The following KCNMB2 variants were observed in gnomAD, a reference collection of about 807,000 sequenced individuals.
KCNMB2 encodes calcium-activated potassium channel subunit beta-2.
In KCNMB2, 9 loss-of-function variants were observed where a neutral mutation model predicts 24.5. That is an observed-to-expected ratio of 0.37 (90% confidence interval 0.22 to 0.64). KCNMB2 has a LOEUF of 0.64. Among genes scored for constraint, KCNMB2 ranks in the 30% least tolerant of loss-of-function variants. The pLI is 0.63. For missense variants in KCNMB2, 226 were observed against 284.3 expected (o/e 0.79, Z 1.47); for synonymous variants, 109 against 104.4 (o/e 1.04, Z -0.27).
chr3:178,664,894 G>A (rs572252556), intron 1 of KCNMB2, among the ~76,000 whole-genome samples: 68 of 152,172 alleles, frequency 4.5e-4, no homozygotes, highest in African/African-American at 1.5e-3. Flanking sequence ...TGTCACAAAG[G>A]ACGATCTATA....
chr3:178,756,022 T>C (rs981141668), intron 1 of KCNMB2, among the ~76,000 whole-genome samples: 5 of 152,092 alleles, frequency 3.3e-5, no homozygotes, highest in African/African-American at 9.7e-5. Context: ...TGCTGAAAAT[T>C]TGCTATATTC....
chr3:178,754,855 G>A (rs746392657), intron 1 of KCNMB2, among the ~76,000 whole-genome samples: 3 of 152,188 alleles, frequency 2.0e-5, no homozygotes, highest in Non-Finnish European at 4.4e-5. Context: ...CAGACAGCTT[G>A]TTTAGCACGT....
intron 1 of KCNMB2, among the ~76,000 whole-genome samples, chr3:178,803,063 A>G (rs1713832563): frequency 6.6e-6 from 1 of 152,206 alleles, no homozygotes; most frequent in Non-Finnish European, 1.5e-5. Flanking sequence ...TACTTTAAAC[A>G]CTTTTACATG....
At position 178,698,408 on chromosome 3, in the gene KCNMB2, T is replaced by C. The variant is rs139712898; in HGVS notation, c.-67-108935T>C. Among the ~76,000 whole-genome samples, 748 of 152,358 alleles carry C rather than the reference T, an allele frequency of 4.9e-3. 4 individuals are homozygous for C. Among genetic ancestry groups the C allele is most frequent in the African/African-American group, 0.017 (705 of 41,588 alleles). ...GAGAGTGTTTCCTCCACTTGGTCTA[T>C]TCTGCTATGAATACTTGTGATTGCA... On this transcript the variant is annotated intron_variant, in intron 1 of 4. Coordinates refer to ENST00000452583, the MANE Select transcript of KCNMB2 (RefSeq NM_181361.3).
intron 1 of KCNMB2, among the ~76,000 whole-genome samples, chr3:178,543,590 A>G (rs761541834): frequency 1.9e-4 from 29 of 152,124 alleles, no homozygotes; most frequent in Non-Finnish European, 3.8e-4. Flanking sequence ...CTATTGGGAA[A>G]CTCTCAAATC....
chr3:178,704,105 T>C (rs1468360120), intron 1 of KCNMB2, among the ~76,000 whole-genome samples: 1 of 152,174 alleles, frequency 6.6e-6, no homozygotes, highest in Non-Finnish European at 1.5e-5. Flanking sequence ...AGTCTTTTTA[T>C]GTTTAATTTT....
intron 1 of KCNMB2, among the ~76,000 whole-genome samples, chr3:178,627,047 T>G (rs2108533545): frequency 6.6e-6 from 1 of 152,062 alleles, no homozygotes; most frequent in South Asian, 2.1e-4. Context: ...GTCTCCTGTG[T>G]AAAATTATTA....
At chr3:178,842,077 T>A (rs1715447297) in intron 4 of KCNMB2, among the ~76,000 whole-genome samples, 1 of 152,210 alleles carries the variant, frequency 6.6e-6, no homozygotes, top group African/African-American at 2.4e-5. Flanking sequence ...TCCTACATAT[T>A]ACAGATTTCT....
chr3:178,596,349 C>A (rs1188288923), intron 1 of KCNMB2, among the ~76,000 whole-genome samples: 8 of 152,034 alleles, frequency 5.3e-5, no homozygotes, highest in Admixed American at 4.6e-4. Flanking sequence ...CTAAGCTGGA[C>A]AACAATCATA....
intron 4 of KCNMB2, among the ~76,000 whole-genome samples, chr3:178,837,359 T>C (rs1271720729): frequency 6.6e-6 from 1 of 152,160 alleles, no homozygotes; most frequent in African/African-American, 2.4e-5. Flanking sequence ...CCCCATTATA[T>C]AGTTTCAAAA....
intron 1 of KCNMB2, among the ~76,000 whole-genome samples, chr3:178,572,487 A>G (rs546329689): frequency 4.6e-5 from 7 of 152,376 alleles, no homozygotes; most frequent in Non-Finnish European, 1.0e-4. Context: ...ATATAAAAAT[A>G]TAGTTGTTTA....
intron 1 of KCNMB2, among the ~76,000 whole-genome samples, chr3:178,739,114 A>C (rs1723411478): frequency 6.6e-6 from 1 of 151,676 alleles, no homozygotes; most frequent in Non-Finnish European, 1.5e-5. Context: ...AAAAAAAAAA[A>C]ACATGTATAT....
intron 1 of KCNMB2, among the ~76,000 whole-genome samples, chr3:178,661,164 T>C (rs550125309): frequency 7.1e-6 from 1 of 139,908 alleles, no homozygotes; most frequent in East Asian, 2.3e-4. Flanking sequence ...CAGGCCCCAG[T>C]GTGTGATGTT....
At chr3:178,641,705 G>C (rs1719734538) in intron 1 of KCNMB2, among the ~76,000 whole-genome samples, 1 of 151,922 alleles carries the variant, frequency 6.6e-6, no homozygotes, top group Non-Finnish European at 1.5e-5. Context: ...GTACAATGTT[G>C]AACAGAAGTA....
Position 178,842,863 on chromosome 3 carries a change from G to A in KCNMB2, c.634G>A (p.Ala212Thr). ...WPTCMMAGGVAIVAMVKLTQY... is the reference protein window; with the variant it reads ...WPTCMMAGGVTIVAMVKLTQY... ...AACCTGTATGATGGCTGGGGGTGTG[G>A]CAATTGTTGCCATGGTGAAACTTAC... Residue 212 changes from alanine to threonine, a missense_variant, in exon 5 of 5, where the codon GCA (alanine) becomes ACA (threonine). By Grantham distance (58) the Ala-to-Thr change is moderately conservative. Coordinates refer to ENST00000452583, the MANE Select transcript of KCNMB2 (RefSeq NM_181361.3). The A allele has an allele frequency of 6.2e-7, 1 of 1,613,964 alleles. No individual in the cohort carries two copies. The highest frequency in any genetic ancestry group is 8.5e-7 in the Non-Finnish European group (1 of 1,179,878).
At chr3:178,605,428 C>G (rs1268738830) in intron 1 of KCNMB2, among the ~76,000 whole-genome samples, 1 of 152,110 alleles carries the variant, frequency 6.6e-6, no homozygotes, top group East Asian at 1.9e-4. Context: ...AAGAAGTGAA[C>G]GTGCTGCTGT....
chr3:178,583,435 C>A (rs1717289066), intron 1 of KCNMB2, among the ~76,000 whole-genome samples: 1 of 152,040 alleles, frequency 6.6e-6, no homozygotes, highest in African/African-American at 2.4e-5. Context: ...GGCTGGGATT[C>A]ATCAAAAACC....
intron 1 of KCNMB2, among the ~76,000 whole-genome samples, chr3:178,619,061 A>G (rs1042237565): frequency 3.3e-5 from 5 of 152,158 alleles, no homozygotes; most frequent in Non-Finnish European, 7.3e-5. Flanking sequence ...AACAGCAGTC[A>G]TCGTTAATTC....
At chr3:178,811,007 C>T (rs575340056) in intron 2 of KCNMB2, among the ~76,000 whole-genome samples, 1 of 151,666 alleles carries the variant, frequency 6.6e-6, no homozygotes, top group Admixed American at 6.6e-5. Flanking sequence ...CCACCTCAGC[C>T]TCCCAAAGTG....
Sources: allele counts gnomAD v4.1 joint callset (sites outside exome capture counted in the v4.1 genomes callset), GRCh38; gene constraint gnomAD v4.1.1; transcripts MANE v1.5; gene names NCBI Gene and HGNC (gene_info 2026-07-23, HGNC 2026-07-21).